RSU1: variants seen among roughly 807,000 people sequenced by gnomAD.
RSU1 encodes the protein Ras suppressor protein 1, also known as rsu-1.
A neutral mutation model predicts 31.1 loss-of-function variants in RSU1; 26 were observed. The ratio of observed to expected loss-of-function variants is 0.84; its 90% CI spans 0.61 to 1.16. The LOEUF (loss-of-function observed/expected upper bound fraction) is 1.16. RSU1 is among the 50% of genes most tolerant of loss of function. The pLI is 0.00. For missense variants in RSU1, 320 were observed against 339.1 expected (o/e 0.94, Z 0.44); for synonymous variants, 164 against 136.3 (o/e 1.20, Z -1.41).
At chr10:16,689,827 A>T (rs1835508657) in intron 8 of RSU1, among the ~76,000 whole-genome samples, 1 of 152,250 alleles carries the variant, frequency 6.6e-6, no homozygotes, top group Non-Finnish European at 1.5e-5. Flanking sequence ...GGTGAAAAAG[A>T]CAGGCAGAAT....
At chr10:16,785,802 G>A (rs1199532155) in intron 2 of RSU1, among the ~76,000 whole-genome samples, 3 of 151,612 alleles carry the variant, frequency 2.0e-5, no homozygotes, top group Admixed American at 1.3e-4. Context: ...CACTTTGATC[G>A]CGTAAGTCTG....
chr10:16,716,828 T>G (rs914716627), intron 7 of RSU1, among the ~76,000 whole-genome samples: 5 of 151,770 alleles, frequency 3.3e-5, no homozygotes, highest in African/African-American at 1.2e-4. Context: ...CTTAGATACC[T>G]TCATAGGAGA....
intron 7 of RSU1, among the ~76,000 whole-genome samples, chr10:16,697,814 C>G (rs7075283): frequency 0.71 from 107,625 of 151,872 alleles, 38,750 homozygotes; most frequent in African/African-American, 0.83. Context: ...TGAGTATTTT[C>G]CCCTAAATAT....
In RSU1 at chr10:16,682,998, T is replaced by C. The variant is rs918166360; in HGVS notation, c.731+12025A>G. On this transcript the variant is annotated intron_variant, in intron 8 of 8. Transcript: ENST00000345264. Reference sequence around the variant, plus strand: ...TTAGGTACCTTTCATTCCTAACGCATCTTCGAATTCAAAGCAGCTTTTGTT... The same window carrying C: ...TTAGGTACCTTTCATTCCTAACGCACCTTCGAATTCAAAGCAGCTTTTGTT... Among the ~76,000 whole-genome samples the C allele has an allele frequency of 2.0e-5, 3 of 152,196 alleles. No homozygotes were observed. In the East Asian group the frequency reaches 5.8e-4, roughly 29 times the overall value.
At chr10:16,733,784 C>T (rs899634003) in intron 7 of RSU1, among the ~76,000 whole-genome samples, 1 of 152,150 alleles carries the variant, frequency 6.6e-6, no homozygotes, top group Non-Finnish European at 1.5e-5. Context: ...ATGAGAAGAA[C>T]AAGCTGAATC....
chr10:16,719,234 G>C (rs1836206505), intron 7 of RSU1, among the ~76,000 whole-genome samples: 1 of 152,100 alleles, frequency 6.6e-6, no homozygotes. Context: ...CTTCAGCCCA[G>C]GAATTTGAGG....
rs750848668 is a variant in RSU1, at chr10:16,752,640, T to C, written c.497A>G (p.Asp166Gly). 1 of 1,613,456 alleles carries C rather than the reference T, an allele frequency of 6.2e-7. No homozygotes were observed. Among genetic ancestry groups the C allele is most frequent in the Admixed American group, 1.7e-5 (1 of 59,986 alleles). ...LTKLQILSLR[D>G]NDLISLPKEI... ...CTTAGGCAGCGAGATCAGGTCGTTA[T>C]CCCTAAGGCTGAGCTAAACAGAAGA... is the stretch of plus-strand genomic sequence containing the variant. Residue 166 changes from aspartate (D) to glycine (G), a missense_variant, in exon 7 of 9, where the codon GAT becomes GGT. Asp to Gly is a moderately conservative substitution (Grantham distance 94). Coordinates refer to ENST00000345264, the MANE Select transcript of RSU1 (RefSeq NM_012425.4).
chr10:16,612,415 C>T (rs1422792520), intron 8 of RSU1, among the ~76,000 whole-genome samples: 1 of 152,156 alleles, frequency 6.6e-6, no homozygotes, highest in East Asian at 1.9e-4. Flanking sequence ...AAGATTCTGC[C>T]TGGAGGAAGG....
At chr10:16,814,451 GAAAAAA>G (rs369214166) in intron 2 of RSU1, among the ~76,000 whole-genome samples, 11 of 121,182 alleles carry the variant, frequency 9.1e-5, no homozygotes, top group East Asian at 4.7e-4. Context: ...CTGTTTTCAG[GAAAAAA>G]AAAAAAAAAA....
rs1282572312 is a variant in RSU1, at chr10:16,712,636, G to A, written c.599-17481C>T. Among the ~76,000 whole-genome samples the A allele has an allele frequency of 3.3e-5, 5 of 152,116 alleles. 1 individual carries two copies. In the South Asian group the frequency reaches 8.3e-4, roughly 25 times the overall value. The stretch of plus-strand genomic sequence containing the variant: ...CCCATACACAATTAATATTTTTGTT[G>A]CCTTAATCTACTTATTTATTATATA... On this transcript the variant is annotated intron_variant, in intron 7 of 8. Transcript: ENST00000345264.
At chr10:16,699,115 C>T (rs1017491734) in intron 7 of RSU1, among the ~76,000 whole-genome samples, 5 of 152,178 alleles carry the variant, frequency 3.3e-5, no homozygotes, top group African/African-American at 1.2e-4. Context: ...CGTGGCAAAC[C>T]TTAAAGGAGG....
chr10:16,777,633 A>T (rs190966443), intron 3 of RSU1, among the ~76,000 whole-genome samples: 7 of 152,338 alleles, frequency 4.6e-5, no homozygotes, highest in African/African-American at 1.2e-4. Context: ...CCTCTAGTGG[A>T]CAAGTCTTAA....
intron 8 of RSU1, among the ~76,000 whole-genome samples, chr10:16,654,807 C>T (rs980380142): frequency 6.6e-6 from 1 of 151,858 alleles, no homozygotes; most frequent in Non-Finnish European, 1.5e-5. Context: ...GCCTATAATC[C>T]GAGCGCTCCT....
intron 8 of RSU1, among the ~76,000 whole-genome samples, chr10:16,599,295 C>A (rs1038058452): frequency 1.3e-5 from 2 of 152,174 alleles, no homozygotes; most frequent in Non-Finnish European, 2.9e-5. Context: ...TTGTACTTTT[C>A]CCCCAGGGCC....
chr10:16,810,000 G>A (rs1186862484), intron 2 of RSU1, among the ~76,000 whole-genome samples: 8 of 148,676 alleles, frequency 5.4e-5, no homozygotes, highest in Admixed American at 4.7e-4. Context: ...GGTGGGGGGG[G>A]GAGGTGAATC....
intron 8 of RSU1, among the ~76,000 whole-genome samples, chr10:16,688,542 G>A (rs1835480988): frequency 1.3e-5 from 2 of 152,116 alleles, no homozygotes; most frequent in Non-Finnish European, 2.9e-5. Context: ...CCGGAAGGCG[G>A]AGCTTGCAGT....
At chr10:16,659,236 T>G (rs2131524929) in intron 8 of RSU1, among the ~76,000 whole-genome samples, 1 of 152,168 alleles carries the variant, frequency 6.6e-6, no homozygotes, top group Non-Finnish European at 1.5e-5. Context: ...TATTAATCTT[T>G]CCTTTACAAT....
intron 2 of RSU1, among the ~76,000 whole-genome samples, chr10:16,806,079 A>G (rs991839333): frequency 6.6e-6 from 1 of 152,230 alleles, no homozygotes; most frequent in Non-Finnish European, 1.5e-5. Context: ...ACTTATCGAT[A>G]CGAATACTTC....
At chr10:16,784,910 G>C (rs1157365263) in intron 2 of RSU1, among the ~76,000 whole-genome samples, 1 of 152,100 alleles carries the variant, frequency 6.6e-6, no homozygotes, top group Non-Finnish European at 1.5e-5. Context: ...ACATGGCCAG[G>C]GCAGGAGGAA....
Sources: allele counts gnomAD v4.1 joint callset (sites outside exome capture counted in the v4.1 genomes callset), GRCh38; gene constraint gnomAD v4.1.1; transcripts MANE v1.5; gene names NCBI Gene and HGNC (gene_info 2026-07-23, HGNC 2026-07-21).